Variants in ARHGAP15 observed in about 807,000 individuals in gnomAD.
ARHGAP15 encodes the protein Rho GTPase activating protein 15.
In ARHGAP15, 51 loss-of-function variants were observed where a neutral mutation model predicts 63.7. The ratio of observed to expected loss-of-function variants is 0.80; its 90% CI spans 0.64 to 1.01. The LOEUF (loss-of-function observed/expected upper bound fraction) is 1.01. Among genes scored for constraint, ARHGAP15 ranks in the 50% least tolerant of loss-of-function variants. The pLI is 0.00. For missense variants in ARHGAP15, 560 were observed against 564.6 expected (o/e 0.99, Z 0.08); for synonymous variants, 191 against 193.8 (o/e 0.99, Z 0.12).
At chr2:143,608,724 C>G (rs947250444) in intron 11 of ARHGAP15, 1 of 152,092 alleles carries the variant, frequency 6.6e-6, no homozygotes, top group African/African-American at 2.4e-5. Flanking sequence ...TCATAACATG[C>G]AAAAAGGTTT....
chr2:143,196,761 C>T (rs1363456165), intron 2 of ARHGAP15, among the ~76,000 whole-genome samples: 1 of 151,800 alleles, frequency 6.6e-6, no homozygotes, highest in African/African-American at 2.4e-5. Flanking sequence ...GACATATATA[C>T]ATGTTCTATT....
intron 13 of ARHGAP15, among the ~76,000 whole-genome samples, chr2:143,736,934 CATAAT>C (rs1200896158): frequency 1.3e-5 from 2 of 152,236 alleles, no homozygotes; most frequent in African/African-American, 4.8e-5. Flanking sequence ...TAATTTTAGA[CATAAT>C]AGAATATTTT....
At chr2:143,415,213 A>G (rs1325015409) in intron 6 of ARHGAP15, among the ~76,000 whole-genome samples, 1 of 152,072 alleles carries the variant, frequency 6.6e-6, no homozygotes. Context: ...ATTGTTTAGG[A>G]AAAAAAATTG....
chr2:143,756,819 T>A (rs1686594978), intron 13 of ARHGAP15, among the ~76,000 whole-genome samples: 1 of 152,214 alleles, frequency 6.6e-6, no homozygotes, highest in African/African-American at 2.4e-5. Context: ...GATATATCCT[T>A]GGATGTGAAT....
At chr2:143,331,251 C>G (rs1227179188) in intron 6 of ARHGAP15, among the ~76,000 whole-genome samples, 1 of 152,152 alleles carries the variant, frequency 6.6e-6, no homozygotes, top group Non-Finnish European at 1.5e-5. Context: ...ACATTATACA[C>G]TGATTGCCTT....
At chr2:143,322,293 T>A (rs1574272479) in intron 6 of ARHGAP15, among the ~76,000 whole-genome samples, 1 of 152,310 alleles carries the variant, frequency 6.6e-6, no homozygotes, top group Non-Finnish European at 1.5e-5. Flanking sequence ...ATCCGTGATC[T>A]AAGTAGAAGG....
At chr2:143,192,031 G>C (rs771027337) in intron 2 of ARHGAP15, among the ~76,000 whole-genome samples, 1 of 152,204 alleles carries the variant, frequency 6.6e-6, no homozygotes, top group Non-Finnish European at 1.5e-5. Flanking sequence ...CCATAAAGGT[G>C]TCCAAAGAAG....
At chr2:143,692,891 C>T (rs1363357997) in intron 12 of ARHGAP15, among the ~76,000 whole-genome samples, 1 of 152,142 alleles carries the variant, frequency 6.6e-6, no homozygotes, top group Non-Finnish European at 1.5e-5. Context: ...TAACACACAT[C>T]ACTGCAAGAT....
intron 12 of ARHGAP15, among the ~76,000 whole-genome samples, chr2:143,684,816 G>T (rs1214922954): frequency 6.6e-6 from 1 of 152,128 alleles, no homozygotes; most frequent in African/African-American, 2.4e-5. Flanking sequence ...ATAAATCATT[G>T]TAGTCTCAGG....
chr2:143,353,377 A>G (rs1293309119), intron 6 of ARHGAP15, among the ~76,000 whole-genome samples: 1 of 152,218 alleles, frequency 6.6e-6, no homozygotes, highest in African/African-American at 2.4e-5. Context: ...CTTGTGCTAT[A>G]AAGGGTTTTG....
At chr2:143,272,304 TG>T (rs1681326169) in intron 6 of ARHGAP15, among the ~76,000 whole-genome samples, 1 of 152,186 alleles carries the variant, frequency 6.6e-6, no homozygotes, top group Non-Finnish European at 1.5e-5. Flanking sequence ...CTGCTTTTTC[TG>T]CTTAACATCC....
At chr2:143,239,442 C>T (rs1693774261) in intron 5 of ARHGAP15, among the ~76,000 whole-genome samples, 1 of 152,062 alleles carries the variant, frequency 6.6e-6, no homozygotes, top group Admixed American at 6.5e-5. Flanking sequence ...CAACATCTCC[C>T]CATACCCTTC....
intron 13 of ARHGAP15, among the ~76,000 whole-genome samples, chr2:143,727,732 T>C (rs1685347561): frequency 6.6e-6 from 1 of 152,210 alleles, no homozygotes; most frequent in African/African-American, 2.4e-5. Flanking sequence ...TCTGGTTGTC[T>C]ACACAGCCTG....
At chr2:143,610,338 T>A (rs930430665) in intron 11 of ARHGAP15, among the ~76,000 whole-genome samples, 3 of 152,210 alleles carry the variant, frequency 2.0e-5, no homozygotes, top group East Asian at 3.8e-4. Flanking sequence ...AAAGGAAATG[T>A]AACCTAGATT....
intron 2 of ARHGAP15, among the ~76,000 whole-genome samples, chr2:143,156,829 C>G (rs1392719828): frequency 6.6e-6 from 1 of 151,808 alleles, no homozygotes; most frequent in Non-Finnish European, 1.5e-5. Context: ...GTATTGTCTC[C>G]TGGGAGGTAC....
chr2:143,219,812 G>T (rs1301517756), intron 4 of ARHGAP15, among the ~76,000 whole-genome samples: 3 of 152,128 alleles, frequency 2.0e-5, no homozygotes, highest in African/African-American at 7.2e-5. Context: ...TTGAAGCTGA[G>T]GATCACTTTA....
At chr2:143,396,465 C>T (rs965715416) in intron 6 of ARHGAP15, among the ~76,000 whole-genome samples, 1 of 151,800 alleles carries the variant, frequency 6.6e-6, no homozygotes, top group Non-Finnish European at 1.5e-5. Context: ...GCAATGAGTC[C>T]CCCAGTCAAG....
chr2:143,592,769 G>C (rs1270876112), intron 11 of ARHGAP15, among the ~76,000 whole-genome samples: 3 of 152,192 alleles, frequency 2.0e-5, no homozygotes. Context: ...AGAAATGTGA[G>C]TGTCATTTGT....
At chr2:143,174,847 T>C (rs1690949398) in intron 2 of ARHGAP15, among the ~76,000 whole-genome samples, 4 of 152,162 alleles carry the variant, frequency 2.6e-5, no homozygotes, top group Admixed American at 2.6e-4. Context: ...ATGAAGTCTT[T>C]ATACAAACAC....
Sources: allele counts gnomAD v4.1 joint callset (sites outside exome capture counted in the v4.1 genomes callset), GRCh38; gene constraint gnomAD v4.1.1; transcripts MANE v1.5; gene names NCBI Gene and HGNC (gene_info 2026-07-23, HGNC 2026-07-21).